The following CACNA2D1 variants were observed in gnomAD, a reference collection of about 807,000 sequenced individuals.
The protein encoded by CACNA2D1 is voltage-dependent calcium channel subunit alpha-2/delta-1.
CACNA2D1 carries 53 observed loss-of-function variants against 171.5 expected under a neutral mutation model. That is an observed-to-expected ratio of 0.31 (90% confidence interval 0.25 to 0.39). CACNA2D1 has a LOEUF of 0.39. Among genes scored for constraint, CACNA2D1 ranks in the 10% least tolerant of loss-of-function variants. The probability of loss-of-function intolerance (pLI) is 1.00; values close to 1 mark genes in which losing one functional copy is unlikely to be tolerated. For synonymous variants in CACNA2D1, 442 were observed against 443.1 expected, an observed-to-expected ratio of 1.00 and a Z score of 0.03; for missense variants, 903 against 1,299.8, an observed-to-expected ratio of 0.69 and a Z score of 4.69.
intron 3 of CACNA2D1, among the ~76,000 whole-genome samples, chr7:82,308,120 G>A (rs2129431081): frequency 6.6e-6 from 1 of 152,100 alleles, no homozygotes; most frequent in Non-Finnish European, 1.5e-5. Context: ...AAACTTCATT[G>A]GCCTTTTGCG....
chr7:82,039,244 C>G (rs1463547015), intron 10 of CACNA2D1, among the ~76,000 whole-genome samples: 1 of 144,488 alleles, frequency 6.9e-6, no homozygotes, highest in Non-Finnish European at 1.5e-5. Context: ...CATATTCTTG[C>G]AAATATAATT....
rs960217068 is a variant in CACNA2D1 at position 81,952,006 on chromosome 7, T to C, written c.3160-1498A>G. 2.1e-5 allele frequency among the ~76,000 whole-genome samples: 3 copies of C among 141,558 alleles called. No homozygotes were observed. In the East Asian group the frequency reaches 6.5e-4, roughly 31 times the overall value. The allele number at this position is 141,558 out of a possible 152,430, so 92.9% of individuals were successfully genotyped here. Reference sequence around the variant, plus strand: ...TTTTTTTTTTTAACCACATCCATTATTTTTTTATTATGGCCATTAGTGCAG... The same window carrying C: ...TTTTTTTTTTTAACCACATCCATTACTTTTTTATTATGGCCATTAGTGCAG... On this transcript the variant is annotated intron_variant, in intron 38 of 38. Transcript: ENST00000356860.
intron 3 of CACNA2D1, among the ~76,000 whole-genome samples, chr7:82,314,975 C>CTTTT (rs35145517): frequency 3.2e-5 from 4 of 124,546 alleles, no homozygotes; most frequent in African/African-American, 6.7e-5. Flanking sequence ...AGCATATTAT[C>CTTTT]TTTTTTTTTT....
At chr7:82,044,283 T>C (rs2131259383) in intron 10 of CACNA2D1, among the ~76,000 whole-genome samples, 1 of 152,300 alleles carries the variant, frequency 6.6e-6, no homozygotes, top group South Asian at 2.1e-4. Flanking sequence ...TTAGGGTACT[T>C]TGTACATTGT....
intron 12 of CACNA2D1, chr7:82,030,005 G>C (rs1802467887): frequency 1.3e-5 from 2 of 151,786 alleles, no homozygotes; most frequent in South Asian, 4.1e-4. Flanking sequence ...AGCAGACAAA[G>C]AGCAGGACTG....
rs184363689 is a variant in CACNA2D1 at position 82,167,526 on chromosome 7, C to T, written c.354+3024G>A. The stretch of plus-strand genomic sequence containing the variant: ...AGATTAGATAGTCTTCATTGAGGTT[C>T]TATTCTCCAAGCACAAAAACGACCA... On this transcript the variant is annotated intron_variant, in intron 4 of 38. Transcript: ENST00000356860. Among the ~76,000 whole-genome samples the T allele has an allele frequency of 4.2e-4, 64 of 152,110 alleles. No homozygotes were observed. In the East Asian group the frequency reaches 0.011, roughly 27 times the overall value.
At chr7:82,397,390 C>T (rs542401581) in intron 1 of CACNA2D1, among the ~76,000 whole-genome samples, 46 of 152,046 alleles carry the variant, frequency 3.0e-4, no homozygotes, top group Admixed American at 2.9e-3. Flanking sequence ...GCTCTTTATT[C>T]TTCTGACATT....
chr7:82,158,086 C>G (rs912066814), intron 4 of CACNA2D1, among the ~76,000 whole-genome samples: 1 of 151,702 alleles, frequency 6.6e-6, no homozygotes, highest in Non-Finnish European at 1.5e-5. Flanking sequence ...TATATGTAAA[C>G]ATATCTATTT....
intron 35 of CACNA2D1, 73 bp from the exon 36 acceptor site, chr7:81,962,096 T>G (rs929930006): frequency 2.9e-6 from 4 of 1,396,550 alleles, no homozygotes; most frequent in Middle Eastern, 1.8e-4. Flanking sequence ...TCCCCTCGAG[T>G]CTTCACTTCT....
intron 4 of CACNA2D1, among the ~76,000 whole-genome samples, chr7:82,149,827 G>A (rs1321485791): frequency 2.6e-5 from 4 of 151,428 alleles, no homozygotes; most frequent in African/African-American, 9.7e-5. Context: ...TGTGGTGGTA[G>A]GCGCCTGTAG....
intron 10 of CACNA2D1, among the ~76,000 whole-genome samples, chr7:82,045,637 C>G (rs1804469925): frequency 6.6e-6 from 1 of 152,106 alleles, no homozygotes; most frequent in Admixed American, 6.6e-5. Flanking sequence ...GAATACATTT[C>G]TGTAATTTTT....
chr7:82,368,554 T>C (rs1822004518), intron 1 of CACNA2D1, among the ~76,000 whole-genome samples: 1 of 152,194 alleles, frequency 6.6e-6, no homozygotes, highest in Non-Finnish European at 1.5e-5. Flanking sequence ...AGACTATTAG[T>C]TCCAAGAAAT....
intron 8 of CACNA2D1, 104 bp downstream of exon 8, chr7:82,066,351 A>T: frequency 2.1e-6 from 3 of 1,414,898 alleles, no homozygotes; most frequent in Non-Finnish European, 2.9e-6. Context: ...ATCACTTTCA[A>T]TAAGTAGTTA....
chr7:81,983,266 G>C (rs746757087), intron 23 of CACNA2D1, 48 bp downstream of exon 23: 3 of 1,494,684 alleles, frequency 2.0e-6, no homozygotes, highest in South Asian at 2.3e-5. Context: ...CAGTGGAAAT[G>C]TCAAGTGTAC....
chr7:82,261,629 C>T (rs1251256502), intron 3 of CACNA2D1, among the ~76,000 whole-genome samples: 1 of 152,100 alleles, frequency 6.6e-6, no homozygotes, highest in East Asian at 1.9e-4. Context: ...GATAAGCAAT[C>T]GTATCGCAAA....
At chr7:81,970,007 T>G (rs1470745668) in intron 27 of CACNA2D1, 23 bp from the exon 28 acceptor site, 10 of 1,339,292 alleles carry the variant, frequency 7.5e-6, no homozygotes, top group Non-Finnish European at 1.1e-5. Context: ...TGGCTCATCA[T>G]TTGTATTCTT....
intron 2 of CACNA2D1, among the ~76,000 whole-genome samples, chr7:82,341,948 G>T: frequency 6.6e-6 from 1 of 151,152 alleles, no homozygotes; most frequent in East Asian, 2.0e-4. Context: ...CAGCTATCTG[G>T]GAGGCTGAGG....
At chr7:82,252,754 G>T (rs1010319319) in intron 3 of CACNA2D1, among the ~76,000 whole-genome samples, 1 of 152,130 alleles carries the variant, frequency 6.6e-6, no homozygotes, top group African/African-American at 2.4e-5. Context: ...GCTGGGCGTG[G>T]TGGTGCGTGC....
At chr7:82,240,965 T>TC (rs1459255029) in intron 3 of CACNA2D1, among the ~76,000 whole-genome samples, 1 of 146,804 alleles carries the variant, frequency 6.8e-6, no homozygotes, top group African/African-American at 2.5e-5. Flanking sequence ...AGACTCCATC[T>TC]CAAAAAAAAA....
Sources: gnomAD v4.1 joint callset for allele counts (sites outside exome capture counted in the v4.1 genomes callset) on GRCh38, gnomAD v4.1.1 for gene constraint, MANE v1.5 for transcripts, NCBI Gene and HGNC (gene_info 2026-07-23, HGNC 2026-07-21) for gene names.